The following MACROD2 variants were observed in gnomAD, a reference collection of about 807,000 sequenced individuals.
The protein encoded by MACROD2 is mono-ADP ribosylhydrolase 2.
MACROD2 carries 36 observed loss-of-function variants against 70.4 expected under a neutral mutation model. The ratio of observed to expected loss-of-function variants is 0.51; its 90% CI spans 0.39 to 0.68. The LOEUF (loss-of-function observed/expected upper bound fraction) is 0.68, where lower values mean the gene tolerates loss of function less well. MACROD2 is among the 30% of genes least tolerant of loss of function. MACROD2 has a pLI of 0.00. For synonymous variants in MACROD2, 172 were observed against 178.8 expected, an observed-to-expected ratio of 0.96 and a Z score of 0.30; for missense variants, 496 against 538.4, an observed-to-expected ratio of 0.92 and a Z score of 0.78.
rs901077068 is a variant in MACROD2, at chr20:15,975,994, A to C, written c.985+8364A>C. Among the ~76,000 whole-genome samples, 4 of 152,226 alleles carry C rather than the reference A, an allele frequency of 2.6e-5. No individual in the cohort carries two copies. The East Asian group carries it at 7.7e-4, about 29-fold the overall frequency. ...ACAGTTTTGAATATTAGCAGCAATC[A>C]ACTTTCAAGTTTAACAAAAAGACAC... is the stretch of plus-strand genomic sequence containing the variant. On this transcript the variant is annotated intron_variant, in intron 13 of 17. Transcript: ENST00000684519.
chr20:15,015,574 A>G (rs2075115170), intron 5 of MACROD2, among the ~76,000 whole-genome samples: 1 of 151,922 alleles, frequency 6.6e-6, no homozygotes, highest in African/African-American at 2.4e-5. Flanking sequence ...CATACACTCT[A>G]ATTGTGAAAG....
intron 3 of MACROD2, among the ~76,000 whole-genome samples, chr20:14,226,378 C>T (rs1442504816): frequency 6.6e-6 from 1 of 152,244 alleles, no homozygotes; most frequent in African/African-American, 2.4e-5. Context: ...TCGCTCTCGG[C>T]GCCTCCTCTG....
chr20:14,505,263 C>T (rs384498), intron 4 of MACROD2, among the ~76,000 whole-genome samples: 124,710 of 152,118 alleles, frequency 0.82, 51,531 homozygotes, highest in East Asian at 1. Context: ...CAGTATATAG[C>T]TTTGGAAGGC....
At chr20:14,400,335 G>T (rs1038466156) in intron 3 of MACROD2, among the ~76,000 whole-genome samples, 1 of 152,116 alleles carries the variant, frequency 6.6e-6, no homozygotes, top group Non-Finnish European at 1.5e-5. Flanking sequence ...TACTCTCCCT[G>T]ATGACCCGTA....
At chr20:15,633,440 A>G (rs1384176576) in intron 8 of MACROD2, among the ~76,000 whole-genome samples, 1 of 152,228 alleles carries the variant, frequency 6.6e-6, no homozygotes, top group Non-Finnish European at 1.5e-5. Context: ...ACAAGTGAGA[A>G]GTAACAAATT....
intron 5 of MACROD2, among the ~76,000 whole-genome samples, chr20:14,816,510 C>T (rs2072775639): frequency 6.6e-6 from 1 of 152,044 alleles, no homozygotes; most frequent in African/African-American, 2.4e-5. Flanking sequence ...TACAAATTGC[C>T]TTATCTCCAT....
rs528583443 is a variant in MACROD2 at position 14,769,561 on chromosome 20, C to T, written c.418+84602C>T. On this transcript the variant is annotated intron_variant, in intron 5 of 17. Coordinates refer to ENST00000684519, the MANE Select transcript of MACROD2 (RefSeq NM_001351661.2). ...TCAGTTTTAACTCATCATATTGTAC[C>T]GCACCTATCAAGTCCTTTACTGGGT... Among the ~76,000 whole-genome samples, 29 of 152,108 alleles carry T rather than the reference C, an allele frequency of 1.9e-4. No individual in the cohort carries two copies. In the East Asian group the frequency reaches 4.4e-3, roughly 23 times the overall value.
At chr20:14,723,571 A>G (rs1482773308) in intron 5 of MACROD2, among the ~76,000 whole-genome samples, 1 of 147,392 alleles carries the variant, frequency 6.8e-6, no homozygotes, top group African/African-American at 2.5e-5. Context: ...GGAACTTTTC[A>G]TCTAGTGTGC....
At chr20:14,971,317 A>G (rs563901922) in intron 5 of MACROD2, among the ~76,000 whole-genome samples, 11 of 151,936 alleles carry the variant, frequency 7.2e-5, no homozygotes, top group Non-Finnish European at 1.2e-4. Flanking sequence ...CATCAAAAAT[A>G]TTGGTTGAAT....
intron 4 of MACROD2, among the ~76,000 whole-genome samples, chr20:14,667,507 C>T (rs1362665548): frequency 6.6e-6 from 1 of 152,016 alleles, no homozygotes; most frequent in African/African-American, 2.4e-5. Flanking sequence ...TTTCATAAGC[C>T]CACATAATAA....
At chr20:14,714,536 C>T (rs368343598) in intron 5 of MACROD2, among the ~76,000 whole-genome samples, 1 of 152,220 alleles carries the variant, frequency 6.6e-6, no homozygotes, top group African/African-American at 2.4e-5. Context: ...ACCTACAAGA[C>T]CTGGCCTCTG....
At chr20:14,554,224 C>T (rs911971458) in intron 4 of MACROD2, among the ~76,000 whole-genome samples, 1 of 152,068 alleles carries the variant, frequency 6.6e-6, no homozygotes, top group Admixed American at 6.6e-5. Flanking sequence ...TTGGGAAACA[C>T]GAATATTTTC....
intron 5 of MACROD2, among the ~76,000 whole-genome samples, chr20:14,790,321 AG>A (rs1446287003): frequency 6.6e-6 from 1 of 152,196 alleles, no homozygotes; most frequent in African/African-American, 2.4e-5. Context: ...TTTAGGCCAA[AG>A]GTCAATCCAA....
intron 3 of MACROD2, among the ~76,000 whole-genome samples, chr20:14,351,797 G>A (rs538042289): frequency 6.6e-6 from 1 of 152,226 alleles, no homozygotes; most frequent in South Asian, 2.1e-4. Flanking sequence ...GTGAGAGTGG[G>A]CATCCTTGTC....
At chr20:14,378,269 T>C (rs1276567179) in intron 3 of MACROD2, among the ~76,000 whole-genome samples, 1 of 152,154 alleles carries the variant, frequency 6.6e-6, no homozygotes, top group Non-Finnish European at 1.5e-5. Context: ...CAGATTCCCT[T>C]TTGAGAGTAG....
At chr20:15,163,000 G>A (rs2076359163) in intron 5 of MACROD2, among the ~76,000 whole-genome samples, 1 of 151,966 alleles carries the variant, frequency 6.6e-6, no homozygotes, top group African/African-American at 2.4e-5. Flanking sequence ...ACCATGGCAG[G>A]TAAGCTGAAA....
intron 17 of MACROD2, among the ~76,000 whole-genome samples, chr20:16,046,217 T>C (rs6135653): frequency 0.25 from 38,393 of 152,108 alleles, 5,632 homozygotes; most frequent in East Asian, 0.38. Flanking sequence ...GTCTTATTCC[T>C]GTATGGTCTT....
intron 5 of MACROD2, among the ~76,000 whole-genome samples, chr20:14,880,856 T>A (rs181133458): frequency 6.6e-6 from 1 of 152,252 alleles, no homozygotes; most frequent in East Asian, 1.9e-4. Context: ...ACAAAGGGGA[T>A]GAGTTTGCTG....
chr20:15,100,212 G>A (rs1225845201), intron 5 of MACROD2, among the ~76,000 whole-genome samples: 3 of 152,060 alleles, frequency 2.0e-5, no homozygotes, highest in African/African-American at 7.2e-5. Context: ...GCTGGGATCT[G>A]TAGCAGACTA....
Sources: gnomAD v4.1 joint callset for allele counts (sites outside exome capture counted in the v4.1 genomes callset) on GRCh38, gnomAD v4.1.1 for gene constraint, MANE v1.5 for transcripts, NCBI Gene and HGNC (gene_info 2026-07-23, HGNC 2026-07-21) for gene names.